Variants in KDELR2 observed in about 807,000 individuals in gnomAD.
KDELR2 encodes ER lumen protein-retaining receptor 2.
Under a neutral mutation model 23.9 loss-of-function variants are expected in KDELR2, and 15 were observed. That is an observed-to-expected ratio of 0.63 (90% CI 0.42 to 0.97). The LOEUF (loss-of-function observed/expected upper bound fraction) is 0.97. Ranked by LOEUF, KDELR2 falls within the 50% of genes least tolerant of loss-of-function variation. KDELR2 has a pLI of 0.00. For synonymous variants in KDELR2, 119 were observed against 106.2 expected, an observed-to-expected ratio of 1.12 and a Z score of -0.74; for missense variants, 272 against 254.6, an observed-to-expected ratio of 1.07 and a Z score of -0.46.
rs929897322 is a variant in KDELR2, at chr7:6,482,223, T to G, written c.91+1744A>C. 2.6e-5 allele frequency among the ~76,000 whole-genome samples: 4 copies of G among 152,200 alleles called. No homozygotes were observed. The South Asian group carries it at 8.3e-4, about 32-fold the overall frequency. On this transcript the variant is annotated intron_variant, in intron 1 of 4. Transcript: ENST00000258739. The stretch of plus-strand genomic sequence containing the variant: ...CTCCATGTTGAGGCTGGTCTTGAAC[T>G]CCTGACCTCAGGTGATCCACCTGCC...
intron 1 of KDELR2, among the ~76,000 whole-genome samples, chr7:6,478,303 C>T (rs530553755): frequency 4.8e-4 from 73 of 152,098 alleles, no homozygotes; most frequent in African/African-American, 1.0e-3. Context: ...CACGCCACCA[C>T]GCCCAGCTAA....
chr7:6,464,212 A>C (rs1323147850), intron 4 of KDELR2, among the ~76,000 whole-genome samples: 2 of 36,166 alleles, frequency 5.5e-5, no homozygotes, highest in Non-Finnish European at 2.7e-4. Context: ...AAAAAAAAAA[A>C]AAAAAAAAAA....
chr7:6,476,680 C>T (rs1785762170), intron 1 of KDELR2, among the ~76,000 whole-genome samples: 2 of 152,156 alleles, frequency 1.3e-5, no homozygotes, highest in African/African-American at 2.4e-5. Flanking sequence ...TACCAGCCCC[C>T]GTGGGGACCC....
chr7:6,465,462 G>A (rs867338040), intron 4 of KDELR2, among the ~76,000 whole-genome samples: 14 of 144,382 alleles, frequency 9.7e-5, no homozygotes, highest in African/African-American at 3.7e-4. Flanking sequence ...GATTACAGGC[G>A]TGAGCCACTG....
chr7:6,469,922 C>T (rs1178547136), intron 2 of KDELR2, 168 bp from the exon 3 acceptor site: 7 of 576,094 alleles, frequency 1.2e-5, no homozygotes, highest in Non-Finnish European at 2.1e-5. Context: ...TGGAGGTGTT[C>T]AGTTCTGAGG....
rs775393341 is a variant in KDELR2, at chr7:6,466,337, G to A, written c.352-14C>T. The A allele has an allele frequency of 6.2e-7, 1 of 1,611,336 alleles. No individual in the cohort carries two copies. Among genetic ancestry groups the A allele is most frequent in the Non-Finnish European group, 8.5e-7 (1 of 1,178,706 alleles). Reference sequence around the variant, plus strand: ...GGTCCAGAGGATCTGGAAGAGAAATGGCAAGCTTCCATCACGACCCACTGC... The same window carrying A: ...GGTCCAGAGGATCTGGAAGAGAAATAGCAAGCTTCCATCACGACCCACTGC... On this transcript the variant is annotated splice_polypyrimidine_tract_variant and intron_variant, in intron 3 of 4. Transcript: ENST00000258739.
chr7:6,466,279 A>G lies in KDELR2; in HGVS notation c.396T>C (p.Leu132=), dbSNP rs1785502019. ...FSIYLESVAI[L]PQLFMISKTG... is the part of the protein sequence containing the mutation. ...TCTTGCTGATCATAAATAGCTGCGG[A>G]AGGATAGCCACGGACTCCAGGTAGA... Residue 132 remains leucine (L), a synonymous_variant, in exon 4 of 5, where the codon CTT becomes CTC. Coordinates refer to ENST00000258739, the MANE Select transcript of KDELR2 (RefSeq NM_006854.4). 6.2e-7 allele frequency: 1 copy of G among 1,613,934 alleles called. No homozygotes were observed. The highest frequency in any genetic ancestry group is 1.3e-5 in the African/African-American group (1 of 74,880).
intron 1 of KDELR2, among the ~76,000 whole-genome samples, chr7:6,476,997 G>A (rs561114952): frequency 2.0e-5 from 3 of 152,268 alleles, no homozygotes; most frequent in African/African-American, 7.2e-5. Flanking sequence ...TGAATAAATG[G>A]ACAAAAGAAA....
intron 4 of KDELR2, among the ~76,000 whole-genome samples, chr7:6,465,265 G>A (rs897345942): frequency 3.3e-5 from 5 of 149,460 alleles, no homozygotes; most frequent in African/African-American, 1.2e-4. Context: ...CTCACTGCAA[G>A]CTCCGCCTCC....
intron 2 of KDELR2, among the ~76,000 whole-genome samples, chr7:6,473,484 G>A (rs1322322816): frequency 6.6e-6 from 1 of 152,184 alleles, no homozygotes; most frequent in African/African-American, 2.4e-5. Context: ...GCTACACAAA[G>A]TGTTAGGTGG....
chr7:6,463,168 C>G lies in KDELR2; in HGVS notation c.612G>C (p.Lys204Asn). 6.2e-7 allele frequency: 1 copy of G among 1,612,626 alleles called. No homozygotes were observed. The highest frequency in any genetic ancestry group is 8.5e-7 in the Non-Finnish European group (1 of 1,179,550). ...FFYLYITKVLKGKKLSLPA is the reference protein window; with the variant it reads ...FFYLYITKVLNGKKLSLPA ...ATGCTGGCAAACTGAGCTTCTTTCC[C>G]TTGAGTACTAGAATTTCAAAGAGAA... The change falls in exon 5 of 5, where the codon AAG becomes AAC. Residue 204 changes from lysine (K) to asparagine (N), a missense_variant. By Grantham distance (94) the Lys-to-Asn change is moderately conservative. Coordinates refer to ENST00000258739, the MANE Select transcript of KDELR2 (RefSeq NM_006854.4).
At chr7:6,472,208 G>T (rs1450848967) in intron 2 of KDELR2, among the ~76,000 whole-genome samples, 2 of 152,178 alleles carry the variant, frequency 1.3e-5, no homozygotes, top group Non-Finnish European at 2.9e-5. Flanking sequence ...CCCCCTCAGC[G>T]CATCTAGCCA....
chr7:6,469,342 G>A (rs193174044), intron 3 of KDELR2, among the ~76,000 whole-genome samples: 72 of 151,894 alleles, frequency 4.7e-4, no homozygotes, highest in African/African-American at 1.6e-3. Context: ...TGCAGCCTCC[G>A]CCTCCTGGGT....
intron 3 of KDELR2, among the ~76,000 whole-genome samples, chr7:6,469,154 A>G (rs184107928): frequency 9.2e-4 from 138 of 150,354 alleles, no homozygotes; most frequent in African/African-American, 2.7e-3. Context: ...GGGTTTCACC[A>G]TGTTAGCCAG....
At chr7:6,467,407 C>T (rs184317176) in intron 3 of KDELR2, among the ~76,000 whole-genome samples, 86 of 152,234 alleles carry the variant, frequency 5.6e-4, no homozygotes, top group Non-Finnish European at 1.1e-3. Context: ...CTCTGCCCAG[C>T]GTATGACTTT....
At chr7:6,463,992 T>A (rs1237083033) in intron 4 of KDELR2, among the ~76,000 whole-genome samples, 1 of 121,142 alleles carries the variant, frequency 8.3e-6, no homozygotes, top group Non-Finnish European at 2.0e-5. Context: ...AGGTCGGGAG[T>A]TCGAGACCAG....
At chr7:6,463,724 C>T (rs1785435486) in intron 4 of KDELR2, among the ~76,000 whole-genome samples, 1 of 148,960 alleles carries the variant, frequency 6.7e-6, no homozygotes, top group African/African-American at 2.5e-5. Flanking sequence ...GCCTGAGTAA[C>T]AGAGTGAGAC....
At chr7:6,466,983 C>T (rs1785516900) in intron 3 of KDELR2, among the ~76,000 whole-genome samples, 1 of 152,108 alleles carries the variant, frequency 6.6e-6, no homozygotes, top group Non-Finnish European at 1.5e-5. Context: ...GTCAGTGGCC[C>T]AGGGGTTGAG....
chr7:6,465,900 G>A (rs992591936), intron 4 of KDELR2, among the ~76,000 whole-genome samples, 171 bp downstream of exon 4: 2 of 152,058 alleles, frequency 1.3e-5, no homozygotes, highest in African/African-American at 4.8e-5. Flanking sequence ...AAGAAAAAGG[G>A]TTCTTATATT....
Sources: allele counts gnomAD v4.1 joint callset (sites outside exome capture counted in the v4.1 genomes callset), GRCh38; gene constraint gnomAD v4.1.1; transcripts MANE v1.5; gene names NCBI Gene and HGNC (gene_info 2026-07-23, HGNC 2026-07-21).